OCLN: variants seen among roughly 807,000 people sequenced by gnomAD.
The protein encoded by OCLN is phosphatase 1, regulatory subunit 115.
Under a neutral mutation model 47.9 loss-of-function variants are expected in OCLN, and 21 were observed. The ratio of observed to expected loss-of-function variants is 0.44; its 90% CI spans 0.31 to 0.63. OCLN has a LOEUF of 0.63. Ranked by LOEUF, OCLN falls within the 30% of genes least tolerant of loss-of-function variation. The pLI, the probability that OCLN is intolerant of heterozygous loss-of-function variation, is 0.08. For missense variants in OCLN, 360 were observed against 571.0 expected (o/e 0.63, Z 3.77); for synonymous variants, 117 against 198.4 (o/e 0.59, Z 3.45).
intron 3 of OCLN, among the ~76,000 whole-genome samples, chr5:69,511,227 A>G (rs1580556827): frequency 6.9e-6 from 1 of 145,268 alleles, no homozygotes; most frequent in African/African-American, 2.5e-5. Flanking sequence ...GGCACCGGCC[A>G]CCACGCCCAG....
chr5:69,509,846 T>TC (rs1768730914), intron 3 of OCLN, 27 bp downstream of exon 3: 4 of 1,562,656 alleles, frequency 2.6e-6, no homozygotes, highest in Non-Finnish European at 3.5e-6. Flanking sequence ...GGGTTTTTTC[T>TC]CCATCTCCTT....
intron 2 of OCLN, among the ~76,000 whole-genome samples, chr5:69,504,948 C>T (rs1768557331): frequency 6.8e-6 from 1 of 146,254 alleles, no homozygotes; most frequent in South Asian, 2.2e-4. Context: ...AGCGAGACTC[C>T]GTCTGAAAAA....
intron 4 of OCLN, among the ~76,000 whole-genome samples, chr5:69,532,765 C>T (rs1034680673): frequency 3.3e-5 from 5 of 151,806 alleles, no homozygotes; most frequent in Non-Finnish European, 5.9e-5. Flanking sequence ...GTCAGGAGTT[C>T]GAGACCAGCT....
At position 69,509,276 on chromosome 5, in the gene OCLN, A is replaced by G. The variant is rs775763264; in HGVS notation, c.186A>G (p.Pro62=). 3 of 1,614,242 alleles carry G rather than the reference A, an allele frequency of 1.9e-6. No homozygotes were observed. Among genetic ancestry groups the G allele is most frequent in the Non-Finnish European group, 2.5e-6 (3 of 1,180,044 alleles). Residue 62 remains proline, a synonymous_variant, in exon 3 of 9, where the codon CCA becomes CCG. Transcript: ENST00000396442. ...ACTTCTACAAATGGACCTCTCCTCC[A>G]GGAGTGATTCGGATCCTGTCTATGC... The part of the protein sequence containing the change: ...ILHFYKWTSP[P]GVIRILSMLI...
At chr5:69,525,610 TG>T (rs914514593) in intron 4 of OCLN, among the ~76,000 whole-genome samples, 22 of 152,182 alleles carry the variant, frequency 1.4e-4, no homozygotes, top group Admixed American at 1.4e-3. Flanking sequence ...TTTTGGCAAT[TG>T]CTGAGGTGGC....
chr5:69,520,670 T>A (rs1321950658), intron 4 of OCLN, among the ~76,000 whole-genome samples: 1 of 151,210 alleles, frequency 6.6e-6, no homozygotes, highest in Non-Finnish European at 1.5e-5. Flanking sequence ...TCCCTTAAAT[T>A]TTTTTTTTTA....
intron 4 of OCLN, 41 bp downstream of exon 4, chr5:69,514,150 C>A: frequency 1.3e-6 from 2 of 1,560,878 alleles, no homozygotes; most frequent in Non-Finnish European, 1.8e-6. Flanking sequence ...TATTAAAGCC[C>A]CAAATTTGTG....
intron 1 of OCLN, among the ~76,000 whole-genome samples, chr5:69,503,602 G>A: frequency 6.6e-6 from 1 of 152,156 alleles, no homozygotes. Context: ...CTCCTCAGAT[G>A]TTTAGGAACT....
chr5:69,550,646 T>C (rs1461674519), intron 7 of OCLN, among the ~76,000 whole-genome samples: 1 of 100,078 alleles, frequency 1.0e-5, no homozygotes, highest in Non-Finnish European at 2.1e-5. Context: ...CACATCTCAT[T>C]AAATATTCTG....
chr5:69,528,300 G>A (rs1480357369), intron 4 of OCLN, among the ~76,000 whole-genome samples: 1 of 152,154 alleles, frequency 6.6e-6, no homozygotes, highest in East Asian at 1.9e-4. Context: ...AGATTAAGAT[G>A]CTCCTCCCTC....
At chr5:69,533,523 T>A (rs1769506807) in intron 4 of OCLN, among the ~76,000 whole-genome samples, 1 of 152,220 alleles carries the variant, frequency 6.6e-6, no homozygotes, top group Non-Finnish European at 1.5e-5. Flanking sequence ...TTTCTGGAGA[T>A]AACTACATAG....
chr5:69,533,099 A>ACG (rs1359745581), intron 4 of OCLN, among the ~76,000 whole-genome samples: 1 of 140,240 alleles, frequency 7.1e-6, no homozygotes, highest in East Asian at 1.9e-4. Context: ...ACACACACAC[A>ACG]CACACACACA....
At chr5:69,531,904 G>A (rs1426724006) in intron 4 of OCLN, among the ~76,000 whole-genome samples, 1 of 152,186 alleles carries the variant, frequency 6.6e-6, no homozygotes, top group Non-Finnish European at 1.5e-5. Context: ...AAGATACACT[G>A]CATTGAAGCT....
At chr5:69,518,982 T>A (rs773130531) in intron 4 of OCLN, among the ~76,000 whole-genome samples, 1 of 151,982 alleles carries the variant, frequency 6.6e-6, no homozygotes, top group East Asian at 1.9e-4. Context: ...ACAAAAAATT[T>A]AAAAAATTAG....
At chr5:69,532,936 C>T (rs1460059954) in intron 4 of OCLN, among the ~76,000 whole-genome samples, 1 of 151,190 alleles carries the variant, frequency 6.6e-6, no homozygotes, top group Non-Finnish European at 1.5e-5. Context: ...CCACTGCACT[C>T]CAGCCTGGGT....
chr5:69,509,617 T>C lies in OCLN; in HGVS notation c.527T>C (p.Ile176Thr), dbSNP rs1768719192. ...ACAAGAAGATACTACTTAAGTGTGA[T>C]AATAGTGAGTGCTATCCTGGGCATC... The part of the protein sequence containing the change: ...SRTRRYYLSV[I>T]IVSAILGIMV... Residue 176 changes from isoleucine (I) to threonine (T), a missense_variant, in exon 3 of 9, where the codon ATA becomes ACA. Transcript: ENST00000396442. 6.2e-7 allele frequency: 1 copy of C among 1,614,078 alleles called. No homozygotes were observed. Among genetic ancestry groups the C allele is most frequent in the Non-Finnish European group, 8.5e-7 (1 of 1,180,024 alleles).
chr5:69,511,330 G>T (rs56236929), intron 3 of OCLN, among the ~76,000 whole-genome samples: 4 of 151,244 alleles, frequency 2.6e-5, no homozygotes, highest in African/African-American at 9.7e-5. Flanking sequence ...TGATCCGCCC[G>T]CCTCGGCCTC....
At chr5:69,522,584 TA>T (rs1459961328) in intron 4 of OCLN, among the ~76,000 whole-genome samples, 1 of 152,214 alleles carries the variant, frequency 6.6e-6, no homozygotes, top group Non-Finnish European at 1.5e-5. Context: ...TTTTTGTTTT[TA>T]ACATCCAGGA....
At position 69,509,487 on chromosome 5, in the gene OCLN, G is replaced by T. The variant is rs1261824320; in HGVS notation, c.397G>T (p.Asp133Tyr). The change falls in exon 3 of 9, where the codon GAC (aspartate) becomes TAC (tyrosine). Residue 133 changes from aspartate to tyrosine, a missense_variant. Transcript: ENST00000396442. ...GYGYGYGGYT[D>Y]PRAAKGFMLA... Reference sequence around the variant, plus strand: ...TGGCTATGGCTACGGAGGCTATACAGACCCAAGAGCAGCAAAGGGCTTCAT... The same window carrying T: ...TGGCTATGGCTACGGAGGCTATACATACCCAAGAGCAGCAAAGGGCTTCAT... 1.2e-6 allele frequency: 2 copies of T among 1,614,196 alleles called. No homozygotes were observed. Among genetic ancestry groups the T allele is most frequent in the Admixed American group, 3.3e-5 (2 of 60,018 alleles).
Sources: allele counts gnomAD v4.1 joint callset (sites outside exome capture counted in the v4.1 genomes callset), GRCh38; gene constraint gnomAD v4.1.1; transcripts MANE v1.5; gene names NCBI Gene and HGNC (gene_info 2026-07-23, HGNC 2026-07-21).